The following HERC1 variants were observed in gnomAD, a reference collection of about 807,000 sequenced individuals.
The protein encoded by HERC1 is probable E3 ubiquitin-protein ligase HERC1.
In HERC1, 160 loss-of-function variants were observed where a neutral mutation model predicts 554.3. The observed-to-expected ratio is 0.29, with a 90% CI of 0.25 to 0.33. The LOEUF (loss-of-function observed/expected upper bound fraction) is 0.33, where lower values mean the gene tolerates loss of function less well. Among genes scored for constraint, HERC1 ranks in the 10% least tolerant of loss-of-function variants. HERC1 has a pLI of 1.00. For synonymous variants in HERC1, 2,175 were observed against 2,131.7 expected (o/e 1.02, Z -0.56); for missense variants, 4,919 against 5,918.5 (o/e 0.83, Z 5.54).
chr15:63,642,170 G>C (rs925412779), intron 59 of HERC1, among the ~76,000 whole-genome samples: 2 of 152,116 alleles, frequency 1.3e-5, no homozygotes, highest in Non-Finnish European at 2.9e-5. Flanking sequence ...TAATCTTTAA[G>C]GGTATGAAAA....
chr15:63,796,189 AAATT>A lies in HERC1; in HGVS notation c.-26-20544_-26-20541del, dbSNP rs562027089. Reference sequence around the variant, plus strand: ...AACCTTTATTTTTTACAAGTAGAATAAATTAATTATATTTTTTAAACTAAATTTA... The same window carrying A: ...AACCTTTATTTTTTACAAGTAGAATAAATTATATTTTTTAAACTAAATTTA... On this transcript the variant is annotated intron_variant, in intron 1 of 77. Coordinates refer to ENST00000443617, the MANE Select transcript of HERC1 (RefSeq NM_003922.4). Among the ~76,000 whole-genome samples the A allele has an allele frequency of 1.2e-3, 183 of 152,342 alleles. 1 individual carries two copies. The highest frequency in any genetic ancestry group is 4.3e-3 in the African/African-American group (180 of 41,576).
At chr15:63,684,760 C>A (rs188840964) in intron 34 of HERC1, among the ~76,000 whole-genome samples, 1 of 152,190 alleles carries the variant, frequency 6.6e-6, no homozygotes, top group Non-Finnish European at 1.5e-5. Context: ...GTAATCCCAG[C>A]ACTTTGGGAA....
intron 1 of HERC1, among the ~76,000 whole-genome samples, chr15:63,816,331 T>C (rs767327172): frequency 2.5e-4 from 38 of 152,216 alleles, no homozygotes; most frequent in African/African-American, 3.1e-4. Context: ...AGGAGCCACA[T>C]TGGGAAATGC....
chr15:63,697,998 G>A (rs2072520600), intron 26 of HERC1, among the ~76,000 whole-genome samples: 1 of 152,278 alleles, frequency 6.6e-6, no homozygotes, highest in African/African-American at 2.4e-5. Context: ...AACATCTTAT[G>A]TCTCTTTCAA....
chr15:63,806,152 C>A (rs551977530), intron 1 of HERC1, among the ~76,000 whole-genome samples: 1 of 151,904 alleles, frequency 6.6e-6, no homozygotes, highest in Admixed American at 6.6e-5. Flanking sequence ...AGCATTTCTG[C>A]AGAACACAAG....
chr15:63,662,508 C>A (rs1304188560), intron 44 of HERC1, among the ~76,000 whole-genome samples: 2 of 152,166 alleles, frequency 1.3e-5, no homozygotes, highest in South Asian at 2.1e-4. Flanking sequence ...AATGTATATA[C>A]AAATCCACCA....
intron 1 of HERC1, among the ~76,000 whole-genome samples, chr15:63,793,541 T>C (rs534644457): frequency 6.6e-6 from 1 of 152,278 alleles, no homozygotes; most frequent in African/African-American, 2.4e-5. Context: ...TCATGAATAA[T>C]TCACCCCTTG....
intron 1 of HERC1, among the ~76,000 whole-genome samples, chr15:63,826,899 T>C (rs867290154): frequency 1.6e-4 from 23 of 144,456 alleles, no homozygotes; most frequent in African/African-American, 4.8e-4. Context: ...AGAATGCAAA[T>C]TGGTATACTT....
rs747862975 is a variant in HERC1 at position 63,649,733 on chromosome 15, C to T, written c.10739G>A (p.Arg3580Gln). Residue 3580 changes from arginine (R) to glutamine (Q), a missense_variant, in exon 54 of 78, where the codon CGA becomes CAA. Physicochemically the swap from Arg to Gln is conservative, Grantham distance 43. Coordinates refer to ENST00000443617, the MANE Select transcript of HERC1 (RefSeq NM_003922.4). ...TAAGTGCAGTCATTTACCATCCTTT[C>T]GATAGCAATGCTCCAATTCTCGACG... ...MHRRELEHCY[R>Q]KDVSVTCIAW... is the part of the protein sequence containing the mutation. 23 of 1,612,786 alleles carry T rather than the reference C, an allele frequency of 1.4e-5. No homozygotes were observed. The highest frequency in any genetic ancestry group is 1.6e-4 in the Middle Eastern group (1 of 6,084).
At chr15:63,823,564 G>A (rs2077776454) in intron 1 of HERC1, among the ~76,000 whole-genome samples, 1 of 152,150 alleles carries the variant, frequency 6.6e-6, no homozygotes. Flanking sequence ...CTCAACTGGG[G>A]CTTGTTATCT....
Position 63,616,497 on chromosome 15 carries a change from T to A in HERC1, c.13874A>T (p.Tyr4625Phe). The A allele has an allele frequency of 6.2e-7, 1 of 1,613,798 alleles. No individual in the cohort carries two copies. Among genetic ancestry groups the A allele is most frequent in the Non-Finnish European group, 8.5e-7 (1 of 1,179,688 alleles). Residue 4625 changes from tyrosine to phenylalanine, a missense_variant, in exon 75 of 78, where the codon TAC (tyrosine) becomes TTC (phenylalanine). Physicochemically the swap from Tyr to Phe is conservative, Grantham distance 22. This residue lies in a region of HERC1 where 284 missense variants were observed against 294.1 expected (regional missense o/e 0.97). Transcript: ENST00000443617. ...LEDLEEVDLLYVQTLNSILHI... is the reference protein window; with the variant it reads ...LEDLEEVDLLFVQTLNSILHI... The stretch of plus-strand genomic sequence containing the variant: ...AAGAATGCTGTTGAGAGTCTGCACG[T>A]AGAGCAGATCCACCTCCTCCAGGTC...
intron 26 of HERC1, 32 bp from the exon 27 acceptor site, chr15:63,696,371 CA>C (rs1260839567): frequency 6.7e-7 from 1 of 1,490,820 alleles, no homozygotes; most frequent in Admixed American, 1.9e-5. Flanking sequence ...TAGAGTTCTT[CA>C]CTTAACTCAG....
At chr15:63,815,745 T>G (rs1276138993) in intron 1 of HERC1, among the ~76,000 whole-genome samples, 1 of 152,194 alleles carries the variant, frequency 6.6e-6, no homozygotes. Flanking sequence ...TCCGGTCTCA[T>G]GCTGCTGTGA....
At chr15:63,742,429 G>A (rs1049688346) in intron 12 of HERC1, among the ~76,000 whole-genome samples, 2 of 152,106 alleles carry the variant, frequency 1.3e-5, no homozygotes, top group Admixed American at 6.5e-5. Context: ...CATGTCATCC[G>A]CAAACAGAAA....
chr15:63,796,084 C>T (rs1361351750), intron 1 of HERC1, among the ~76,000 whole-genome samples: 1 of 152,180 alleles, frequency 6.6e-6, no homozygotes, highest in Non-Finnish European at 1.5e-5. Flanking sequence ...AATGTTAGCA[C>T]AGGTCTTTAA....
Position 63,713,617 on chromosome 15 carries a change from T to C in HERC1, c.4199A>G (p.Asp1400Gly). Residue 1400 changes from aspartate to glycine, a missense_variant, in exon 23 of 78, where the codon GAC becomes GGC. Around this residue, in one of 11 missense-constraint regions of HERC1, gnomAD observed 1,121 missense variants for 1,244.0 expected, o/e 0.90. Transcript: ENST00000443617. ...LSAREVARSR[D>G]RDRMNSGAGS... is the part of the protein sequence containing the mutation. ...TGCCCCACTGTTCATTCTATCTCGG[T>C]CTCGGCTACGAGCTACTTCACGGGC... 1 of 1,613,180 alleles carries C rather than the reference T, an allele frequency of 6.2e-7. No individual in the cohort carries two copies. Among genetic ancestry groups the C allele is most frequent in the Non-Finnish European group, 8.5e-7 (1 of 1,179,604 alleles).
intron 66 of HERC1, 134 bp from the exon 67 acceptor site, chr15:63,634,104 T>C (rs1009544882): frequency 9.7e-6 from 9 of 925,794 alleles, no homozygotes; most frequent in Non-Finnish European, 1.3e-5. Context: ...TTTCAGAGCA[T>C]ACTACAAATG....
intron 22 of HERC1, 78 bp from the exon 23 acceptor site, chr15:63,713,743 A>G: frequency 1.5e-6 from 2 of 1,346,168 alleles, no homozygotes; most frequent in Non-Finnish European, 2.0e-6. Context: ...AAAATAGTCA[A>G]AAAGTTTGGA....
At chr15:63,772,151 T>C (rs979969858) in intron 2 of HERC1, among the ~76,000 whole-genome samples, 3 of 151,564 alleles carry the variant, frequency 2.0e-5, no homozygotes, top group Non-Finnish European at 4.4e-5. Flanking sequence ...AGGAAAAATA[T>C]TTAAACTATC....
Sources: allele counts gnomAD v4.1 joint callset (sites outside exome capture counted in the v4.1 genomes callset), GRCh38; gene constraint gnomAD v4.1.1; regional missense constraint gnomAD v4.1.1; transcripts MANE v1.5; gene names NCBI Gene and HGNC (gene_info 2026-07-23, HGNC 2026-07-21).